ST13: variants seen among roughly 807,000 people sequenced by gnomAD.
ST13 encodes the protein hsc70-interacting protein.
A neutral mutation model predicts 56.7 loss-of-function variants in ST13; 23 were observed. That is an observed-to-expected ratio of 0.41 (90% CI 0.29 to 0.57). The LOEUF (loss-of-function observed/expected upper bound fraction) is 0.57. ST13 is among the 20% of genes least tolerant of loss of function. The pLI is 0.36. For missense variants in ST13, 369 were observed against 459.9 expected, an observed-to-expected ratio of 0.80 and a Z score of 1.81; for synonymous variants, 132 against 142.4, an observed-to-expected ratio of 0.93 and a Z score of 0.52.
chr22:40,846,091 C>T (rs2057829892), intron 3 of ST13, among the ~76,000 whole-genome samples: 1 of 152,136 alleles, frequency 6.6e-6, no homozygotes. Context: ...CATGTGTCAC[C>T]ACACCTGGCT....
chr22:40,853,611 C>T lies in ST13; in HGVS notation c.111-2731G>A, dbSNP rs377514301. Among the ~76,000 whole-genome samples the T allele has an allele frequency of 6.6e-5, 10 of 152,170 alleles. No homozygotes were observed. The South Asian group carries it at 1.0e-3, about 16-fold the overall frequency. Reference sequence around the variant, plus strand: ...ATAGGACCACATAAAACTTCATTCACATTTCTCTTAATTTGATAACCTTCT... The same window carrying T: ...ATAGGACCACATAAAACTTCATTCATATTTCTCTTAATTTGATAACCTTCT... On this transcript the variant is annotated intron_variant, in intron 1 of 11. Transcript: ENST00000216218.
At chr22:40,837,714 C>A (rs1307017925) in intron 5 of ST13, among the ~76,000 whole-genome samples, 2 of 152,192 alleles carry the variant, frequency 1.3e-5, no homozygotes, top group African/African-American at 4.8e-5. Context: ...TCACTGCACC[C>A]TCAACTTCCT....
chr22:40,853,711 G>A (rs2057873543), intron 1 of ST13, among the ~76,000 whole-genome samples: 1 of 152,030 alleles, frequency 6.6e-6, no homozygotes, highest in African/African-American at 2.4e-5. Context: ...CTATATTGAG[G>A]GTAGAAATGC....
chr22:40,839,491 G>A (rs1297236446), intron 5 of ST13, among the ~76,000 whole-genome samples: 2 of 152,164 alleles, frequency 1.3e-5, no homozygotes, highest in Non-Finnish European at 1.5e-5. Flanking sequence ...TGGGCCGGGC[G>A]CAGTGGTTCG....
In ST13 at chr22:40,826,500, C is replaced by T. The variant is rs1331141340; in HGVS notation, c.*38G>A. On this transcript the variant is annotated 3_prime_UTR_variant, in exon 12 of 12. Coordinates refer to ENST00000216218, the MANE Select transcript of ST13 (RefSeq NM_003932.5). ...GACATCCATAAGGTGATCTAGGTTG[C>T]TTTTCCTTCAGCAAGGGCTTTATTT... The T allele has an allele frequency of 1.3e-6, 2 of 1,593,902 alleles. No individual in the cohort carries two copies. Among genetic ancestry groups the T allele is most frequent in the African/African-American group, 2.7e-5 (2 of 74,656 alleles).
chr22:40,848,248 A>C, intron 3 of ST13, 46 bp downstream of exon 3: 1 of 1,347,002 alleles, frequency 7.4e-7, no homozygotes, highest in Non-Finnish European at 1.1e-6. Flanking sequence ...TCAACAAAGT[A>C]TCACATCATA....
chr22:40,837,224 T>C (rs2057781830), intron 5 of ST13, among the ~76,000 whole-genome samples: 1 of 152,242 alleles, frequency 6.6e-6, no homozygotes. Context: ...ATGCTCAGTC[T>C]TATTAATTAC....
chr22:40,852,032 T>G (rs1324417467), intron 1 of ST13, among the ~76,000 whole-genome samples: 2 of 152,238 alleles, frequency 1.3e-5, no homozygotes, highest in Non-Finnish European at 1.5e-5. Flanking sequence ...CATGAACCAC[T>G]GCGCCCGGCC....
chr22:40,843,302 A>G (rs780661808), intron 4 of ST13, among the ~76,000 whole-genome samples: 9 of 152,198 alleles, frequency 5.9e-5, no homozygotes, highest in Non-Finnish European at 1.0e-4. Context: ...AAAAAAACCA[A>G]TGGAAGCGGG....
In ST13 at chr22:40,826,523, T is replaced by C. The variant is rs139004215; in HGVS notation, c.*15A>G. Reference sequence around the variant, plus strand: ...TGCTTTTCCTTCAGCAAGGGCTTTATTTATCAGAAGGACATTACGCTTGAC... The same window carrying C: ...TGCTTTTCCTTCAGCAAGGGCTTTACTTATCAGAAGGACATTACGCTTGAC... On this transcript the variant is annotated 3_prime_UTR_variant, in exon 12 of 12. Transcript: ENST00000216218. 2.6e-4 allele frequency: 416 copies of C among 1,597,092 alleles called. No homozygotes were observed. The East Asian group carries it at 7.2e-3, about 28-fold the overall frequency.
At chr22:40,852,377 T>C (rs9623252) in intron 1 of ST13, among the ~76,000 whole-genome samples, 6,562 of 152,274 alleles carry the variant, frequency 0.043, 452 homozygotes, top group African/African-American at 0.15. Flanking sequence ...TTCTAATAGA[T>C]TGTCCTTCTT....
At chr22:40,835,344 C>T (rs1455983358) in intron 7 of ST13, 2 of 380,928 alleles carry the variant, frequency 5.3e-6, no homozygotes, top group Non-Finnish European at 9.6e-6. Context: ...TTTATTTCTT[C>T]CTTCCTATAT....
At chr22:40,828,250 G>A (rs921026068) in intron 10 of ST13, among the ~76,000 whole-genome samples, 2 of 152,044 alleles carry the variant, frequency 1.3e-5, no homozygotes, top group African/African-American at 4.8e-5. Context: ...AATCTACTCT[G>A]TTCTTCAATA....
chr22:40,847,596 GAAC>G (rs2057838967), intron 3 of ST13, among the ~76,000 whole-genome samples: 1 of 148,966 alleles, frequency 6.7e-6, no homozygotes, highest in African/African-American at 2.5e-5. Flanking sequence ...AGTATGCTTA[GAAC>G]AACTTTAATA....
intron 1 of ST13, among the ~76,000 whole-genome samples, chr22:40,853,363 A>AT (rs1279563481): frequency 6.6e-6 from 1 of 152,154 alleles, no homozygotes; most frequent in Admixed American, 6.5e-5. Flanking sequence ...AAAACTTTAA[A>AT]AAAAAAAGAG....
intron 5 of ST13, among the ~76,000 whole-genome samples, chr22:40,837,394 T>C: frequency 6.6e-6 from 1 of 152,136 alleles, no homozygotes; most frequent in Non-Finnish European, 1.5e-5. Context: ...GGCAGGTGGA[T>C]CACCTGAGGT....
Position 40,830,893 on chromosome 22 carries a change from C to G in ST13, c.745G>C (p.Glu249Gln), listed in dbSNP as rs1422792659. 1 of 1,607,096 alleles carries G rather than the reference C, an allele frequency of 6.2e-7. No individual in the cohort carries two copies. The highest frequency in any genetic ancestry group is 8.5e-7 in the Non-Finnish European group (1 of 1,179,676). Residue 249 changes from glutamate (E) to glutamine (Q), a missense_variant, in exon 9 of 12, where the codon GAA becomes CAA. By Grantham distance (29) the Glu-to-Gln change is conservative. Coordinates refer to ENST00000216218, the MANE Select transcript of ST13 (RefSeq NM_003932.5). ...ERKREEREIKERIERVKKARE... is the reference protein window; with the variant it reads ...ERKREEREIKQRIERVKKARE... ...GCCTTCTTAACTCGTTCTATTCTTTCTTTGATCTCTCGCTCTTCACGTTTT... is the reference window on the plus strand; with the variant it reads ...GCCTTCTTAACTCGTTCTATTCTTTGTTTGATCTCTCGCTCTTCACGTTTT...
intron 5 of ST13, among the ~76,000 whole-genome samples, chr22:40,836,901 T>C (rs530234243): frequency 6.6e-6 from 1 of 152,314 alleles, no homozygotes; most frequent in Middle Eastern, 3.4e-3. Flanking sequence ...GGCATGATCA[T>C]AGCTCACAGG....
intron 5 of ST13, among the ~76,000 whole-genome samples, chr22:40,837,533 C>A (rs1030591991): frequency 6.6e-6 from 1 of 152,162 alleles, no homozygotes; most frequent in Non-Finnish European, 1.5e-5. Flanking sequence ...GTAATCCCAG[C>A]TACTCAGGAA....
Sources: allele counts gnomAD v4.1 joint callset (sites outside exome capture counted in the v4.1 genomes callset), GRCh38; gene constraint gnomAD v4.1.1; transcripts MANE v1.5; gene names NCBI Gene and HGNC (gene_info 2026-07-23, HGNC 2026-07-21).